Variants in PKHD1 observed in about 807,000 individuals in gnomAD.
PKHD1 encodes fibrocystin.
A neutral mutation model predicts 412.0 loss-of-function variants in PKHD1; 291 were observed. The observed-to-expected ratio is 0.71, with a 90% CI of 0.64 to 0.78. PKHD1 has a LOEUF of 0.78. PKHD1 is among the 30% of genes least tolerant of loss of function. The pLI is 0.00. For missense variants in PKHD1, 4,825 were observed against 4,950.7 expected, an observed-to-expected ratio of 0.97 and a Z score of 0.76; for synonymous variants, 1,777 against 1,821.5, an observed-to-expected ratio of 0.98 and a Z score of 0.62.
intron 55 of PKHD1, among the ~76,000 whole-genome samples, chr6:51,761,386 T>C (rs1045840459): frequency 6.6e-6 from 1 of 152,066 alleles, no homozygotes; most frequent in African/African-American, 2.4e-5. Flanking sequence ...TGGAATTCAC[T>C]GGACTAGAGA....
At chr6:51,668,304 G>C (rs1382761277) in intron 60 of PKHD1, among the ~76,000 whole-genome samples, 1 of 152,158 alleles carries the variant, frequency 6.6e-6, no homozygotes, top group Non-Finnish European at 1.5e-5. Context: ...TCTCTTTGAA[G>C]CAATTGTGAA....
At chr6:51,889,344 G>A (rs1778744230) in intron 43 of PKHD1, among the ~76,000 whole-genome samples, 1 of 152,152 alleles carries the variant, frequency 6.6e-6, no homozygotes, top group African/African-American at 2.4e-5. Flanking sequence ...CAATACTTCA[G>A]TGCAGCCCTC....
intron 27 of PKHD1, among the ~76,000 whole-genome samples, chr6:52,041,227 T>C (rs1413557673): frequency 2.0e-5 from 3 of 152,236 alleles, no homozygotes; most frequent in African/African-American, 7.2e-5. Context: ...ATTCTGTAAA[T>C]TTCTTGCTGA....
chr6:52,001,198 T>A (rs1798344457), intron 35 of PKHD1, among the ~76,000 whole-genome samples: 1 of 152,214 alleles, frequency 6.6e-6, no homozygotes, highest in African/African-American at 2.4e-5. Context: ...TATTTCATAT[T>A]ATTAGATATA....
intron 36 of PKHD1, among the ~76,000 whole-genome samples, chr6:51,950,210 G>GAAA (rs574963733): frequency 9.0e-4 from 102 of 113,100 alleles, no homozygotes; most frequent in African/African-American, 3.2e-3. Context: ...GCAATATAGA[G>GAAA]AAAAAAAAAA....
chr6:51,819,520 T>C lies in PKHD1; in HGVS notation c.8302+11341A>G, dbSNP rs1237303975. 5.9e-5 allele frequency among the ~76,000 whole-genome samples: 9 copies of C among 152,230 alleles called. No individual in the cohort carries two copies. The East Asian group carries it at 1.7e-3, about 29-fold the overall frequency. ...CAGGTCCAGGTCTTACAGTATATGC[T>C]TTCATTACTCTCTGAATGTTTCCTA... On this transcript the variant is annotated intron_variant, in intron 52 of 66. Coordinates refer to ENST00000371117, the MANE Select transcript of PKHD1 (RefSeq NM_138694.4).
Position 51,616,568 on chromosome 6 carries a change from T to C in PKHD1, c.*2513A>G, listed in dbSNP as rs1766087185. ...AGGAGAAAGAGGAGTAGCTTAACTATGGGTTGAGGAATTTTAGCTAGATGC... is the reference window on the plus strand; with the variant it reads ...AGGAGAAAGAGGAGTAGCTTAACTACGGGTTGAGGAATTTTAGCTAGATGC... On this transcript the variant is annotated 3_prime_UTR_variant, in exon 67 of 67. Coordinates refer to ENST00000371117, the MANE Select transcript of PKHD1 (RefSeq NM_138694.4). 1 of 394,036 alleles carries C rather than the reference T, an allele frequency of 2.5e-6. No individual in the cohort carries two copies. Among genetic ancestry groups the C allele is most frequent in the African/African-American group, 2.1e-5 (1 of 48,302 alleles). 24.4% of individuals were successfully genotyped at this position (394,036 alleles called of 1,614,324 possible).
At position 51,754,822 on chromosome 6, in the gene PKHD1, T is replaced by A; in HGVS notation, c.8759A>T (p.His2920Leu). ...VLTVKEVKGH[H>L]VRIYERLKHR... is the part of the protein sequence containing the mutation. ...TTTGAGCCGTTCATAGATCCTCACA[T>A]GGTGGCCCTTGACTTCTTTCACAGT... The change falls in exon 56 of 67, where the codon CAT (histidine) becomes CTT (leucine). Residue 2920 changes from histidine (H) to leucine (L), a missense_variant. By Grantham distance (99) the His-to-Leu change is moderately conservative. Coordinates refer to ENST00000371117, the MANE Select transcript of PKHD1 (RefSeq NM_138694.4). 6.2e-7 allele frequency: 1 copy of A among 1,613,644 alleles called. No homozygotes were observed. Among genetic ancestry groups the A allele is most frequent in the Non-Finnish European group, 8.5e-7 (1 of 1,179,616 alleles).
rs751203950 is a variant in PKHD1, at chr6:51,801,654, T to TGTGTGTGTGTGTGTGTGTGTGA, written c.8303-10282_8303-10281insTCACACACACACACACACACAC. 4.0e-3 allele frequency among the ~76,000 whole-genome samples: 459 copies of TGTGTGTGTGTGTGTGTGTGTGA among 114,206 alleles called. 3 individuals are homozygous for TGTGTGTGTGTGTGTGTGTGTGA. Among genetic ancestry groups the TGTGTGTGTGTGTGTGTGTGTGA allele is most frequent in the Middle Eastern group, 0.013 (3 of 230 alleles). The allele number at this position is 114,206 out of a possible 152,430, so 74.9% of individuals were successfully genotyped here. A position where few individuals can be genotyped will look rare whatever the true frequency, so the allele number is the denominator to read the frequency against. On this transcript the variant is annotated intron_variant, in intron 52 of 66. Coordinates refer to ENST00000371117, the MANE Select transcript of PKHD1 (RefSeq NM_138694.4). ...GCTGGCCTGATTGTGTGTGTGTGTG[T>TGTGTGTGTGTGTGTGTGTGTGA]GAGAGAGAGAGAGAGAGAGAGAGAG...
In PKHD1 at chr6:52,010,393, C is replaced by T. The variant is rs201124985; in HGVS notation, c.5667G>A (p.Glu1889=). 2.5e-6 allele frequency: 4 copies of T among 1,611,444 alleles called. No individual in the cohort carries two copies. In the South Asian group the frequency reaches 4.4e-5, roughly 18 times the overall value. ...TGGGCGTCTCACACTCCATCTCTGC[C>T]TCAGTTTCCATGGTAATGTTACAGG... ...NSSCNITMET[E]AEMECETPNQ... The change falls in exon 35 of 67, where the codon GAG becomes GAA. Residue 1889 remains glutamate (E), a synonymous_variant. Coordinates refer to ENST00000371117, the MANE Select transcript of PKHD1 (RefSeq NM_138694.4).
rs111877611 is a variant in PKHD1, at chr6:51,746,951, G to A, written c.9830-62C>T. 476 of 971,540 alleles carry A rather than the reference G, an allele frequency of 4.9e-4. 2 individuals carry two copies. In the African/African-American group the frequency reaches 6.3e-3, roughly 13 times the overall value. The allele number at this position is 971,540 out of a possible 1,614,324, so 60.2% of individuals were successfully genotyped here. A position where few individuals can be genotyped will look rare whatever the true frequency, so the allele number is the denominator to read the frequency against. On this transcript the variant is annotated intron_variant, in intron 58 of 66. Transcript: ENST00000371117. ...ATATAAACCACCAGCCACAAATATC[G>A]AATATACAACTAAATATTGTTATAA...
chr6:52,060,699 T>C (rs1481825749), intron 14 of PKHD1, among the ~76,000 whole-genome samples: 2 of 152,190 alleles, frequency 1.3e-5, no homozygotes, highest in Non-Finnish European at 1.5e-5. Context: ...AAGAATATTT[T>C]CTGATAATGC....
intron 60 of PKHD1, among the ~76,000 whole-genome samples, chr6:51,682,969 G>A (rs1776898138): frequency 6.6e-6 from 1 of 151,968 alleles, no homozygotes; most frequent in South Asian, 2.1e-4. Flanking sequence ...AGACATGGCA[G>A]GGGAAAATAT....
chr6:52,050,829 C>T (rs1395652107), intron 21 of PKHD1, among the ~76,000 whole-genome samples: 1 of 152,212 alleles, frequency 6.6e-6, no homozygotes, highest in Non-Finnish European at 1.5e-5. Flanking sequence ...ATTGGATTCC[C>T]ACTCAGCTAA....
At chr6:51,932,724 T>C (rs1561916732) in intron 37 of PKHD1, among the ~76,000 whole-genome samples, 1 of 152,228 alleles carries the variant, frequency 6.6e-6, no homozygotes, top group East Asian at 1.9e-4. Flanking sequence ...TTTGAATTTC[T>C]ATCCAGTGAG....
rs191076049 is a variant in PKHD1, at chr6:51,751,342, A to G, written c.8950+1859T>C. Among the ~76,000 whole-genome samples, 453 of 152,306 alleles carry G rather than the reference A, an allele frequency of 3.0e-3. 3 individuals carry two copies. Among genetic ancestry groups the G allele is most frequent in the Non-Finnish European group, 5.0e-3 (342 of 68,020 alleles). On this transcript the variant is annotated intron_variant, in intron 57 of 66. Transcript: ENST00000371117. ...AGGCCCTGGACTATGTTATAGAAAA[A>G]TGTAAGCATTCTTAATGCAGGGTAT... is the stretch of plus-strand genomic sequence containing the variant.
intron 36 of PKHD1, among the ~76,000 whole-genome samples, chr6:51,938,055 A>G (rs1207695834): frequency 6.6e-6 from 1 of 152,230 alleles, no homozygotes; most frequent in Non-Finnish European, 1.5e-5. Context: ...AAGGATGATA[A>G]TAGCCCTTCC....
intron 61 of PKHD1, among the ~76,000 whole-genome samples, chr6:51,656,485 GT>G (rs1771876045): frequency 6.6e-6 from 1 of 152,052 alleles, no homozygotes; most frequent in African/African-American, 2.4e-5. Flanking sequence ...GATCAACAAA[GT>G]TTTGGAAGTT....
intron 63 of PKHD1, 38 bp from the exon 64 acceptor site, chr6:51,638,994 A>T: frequency 7.2e-7 from 1 of 1,382,732 alleles, no homozygotes; most frequent in South Asian, 1.2e-5. Flanking sequence ...GCTGTTTATT[A>T]TCTAATCTCG....
Sources: allele counts gnomAD v4.1 joint callset (sites outside exome capture counted in the v4.1 genomes callset), GRCh38; gene constraint gnomAD v4.1.1; transcripts MANE v1.5; gene names NCBI Gene and HGNC (gene_info 2026-07-23, HGNC 2026-07-21).